Variants in GRM1 observed in about 807,000 individuals in gnomAD.
The protein encoded by GRM1 is metabotropic glutamate receptor 1.
In GRM1, 33 loss-of-function variants were observed where a neutral mutation model predicts 90.9. The ratio of observed to expected loss-of-function variants is 0.36; its 90% CI spans 0.28 to 0.49. The LOEUF is 0.49. GRM1 is among the 20% of genes least tolerant of loss of function. GRM1 has a pLI of 0.99. For missense variants in GRM1, 1,190 were observed against 1,534.3 expected, an observed-to-expected ratio of 0.78 and a Z score of 3.75; for synonymous variants, 700 against 613.2, an observed-to-expected ratio of 1.14 and a Z score of -2.09.
chr6:146,369,865 A>T (rs1395932583), intron 5 of GRM1, among the ~76,000 whole-genome samples: 1 of 151,804 alleles, frequency 6.6e-6, no homozygotes, highest in Non-Finnish European at 1.5e-5. Flanking sequence ...ATTTAACTCC[A>T]ATGTTTCTTT....
chr6:146,170,569 G>A (rs1045816818), intron 2 of GRM1, among the ~76,000 whole-genome samples: 5 of 151,986 alleles, frequency 3.3e-5, no homozygotes, highest in African/African-American at 1.2e-4. Flanking sequence ...CTAATAAACT[G>A]TTCATTTTCT....
intron 7 of GRM1, among the ~76,000 whole-genome samples, chr6:146,427,250 A>G (rs1778243854): frequency 6.6e-6 from 1 of 152,178 alleles, no homozygotes; most frequent in African/African-American, 2.4e-5. Context: ...GATTTTTATC[A>G]GATTTCCTCG....
intron 1 of GRM1, among the ~76,000 whole-genome samples, chr6:146,153,759 C>A (rs1449005380): frequency 6.6e-6 from 1 of 152,150 alleles, no homozygotes; most frequent in African/African-American, 2.4e-5. Flanking sequence ...AACAAACCTG[C>A]ATATCCTGCA....
intron 3 of GRM1, among the ~76,000 whole-genome samples, chr6:146,320,331 A>G (rs775288222): frequency 2.6e-5 from 4 of 152,144 alleles, no homozygotes; most frequent in Non-Finnish European, 4.4e-5. Context: ...ATCATTCTGG[A>G]TAAGCTTTTT....
intron 3 of GRM1, among the ~76,000 whole-genome samples, chr6:146,308,754 CTG>C (rs1383447906): frequency 6.6e-6 from 1 of 152,148 alleles, no homozygotes; most frequent in South Asian, 2.1e-4. Context: ...TCATTAGTCA[CTG>C]TTAAAATTTT....
intron 3 of GRM1, among the ~76,000 whole-genome samples, chr6:146,334,310 G>A (rs1469539926): frequency 1.3e-5 from 2 of 152,186 alleles, no homozygotes; most frequent in African/African-American, 2.4e-5. Flanking sequence ...TCCTCTTCCA[G>A]TCTCTCTCAT....
chr6:146,079,689 T>A (rs79932053), intron 1 of GRM1, among the ~76,000 whole-genome samples: 1 of 152,186 alleles, frequency 6.6e-6, no homozygotes, highest in Non-Finnish European at 1.5e-5. Context: ...AAATGTCTTT[T>A]TCTTCCTAAG....
chr6:146,212,855 G>A (rs1466835410), intron 2 of GRM1, among the ~76,000 whole-genome samples: 1 of 151,970 alleles, frequency 6.6e-6, no homozygotes. Flanking sequence ...ACTTCCCTGT[G>A]TACTCATTTG....
Position 146,159,349 on chromosome 6 carries a change from G to A in GRM1, c.702G>A (p.Gly234=), listed in dbSNP as rs1255461814. The A allele has an allele frequency of 1.2e-6, 2 of 1,613,948 alleles. No homozygotes were observed. The highest frequency in any genetic ancestry group is 3.3e-5 in the Admixed American group (2 of 60,010). ...WTYVSAVHTE[G]NYGESGMDAF... ...CATCTGCTGATTGTTTCTGGACAGG[G>A]AATTATGGGGAGAGCGGAATGGACG... Residue 234 remains glycine, a splice_region_variant and synonymous_variant, in exon 2 of 8, where the codon GGG becomes GGA. Transcript: ENST00000282753.
chr6:146,267,642 G>T (rs944723468), intron 2 of GRM1, among the ~76,000 whole-genome samples: 1 of 86,314 alleles, frequency 1.2e-5, no homozygotes, highest in Non-Finnish European at 2.0e-5. Context: ...GCTGGGCTGC[G>T]CTGGGCTGGG....
chr6:146,086,082 G>T (rs976842817), intron 1 of GRM1, among the ~76,000 whole-genome samples: 3 of 152,028 alleles, frequency 2.0e-5, no homozygotes, highest in African/African-American at 7.2e-5. Context: ...ATTTGATAGT[G>T]GAATAGTATG....
chr6:146,136,487 T>G (rs772114035), intron 1 of GRM1, among the ~76,000 whole-genome samples: 1 of 152,212 alleles, frequency 6.6e-6, no homozygotes, highest in African/African-American at 2.4e-5. Flanking sequence ...TGGGGTGAGA[T>G]CTCTTTGTAG....
intron 2 of GRM1, among the ~76,000 whole-genome samples, chr6:146,195,636 C>G (rs1779089520): frequency 6.6e-6 from 1 of 152,200 alleles, no homozygotes; most frequent in African/African-American, 2.4e-5. Context: ...ACTAAATTCT[C>G]TAATACAAAT....
intron 7 of GRM1, among the ~76,000 whole-genome samples, chr6:146,417,841 C>T (rs776862652): frequency 1.1e-4 from 16 of 152,088 alleles, no homozygotes; most frequent in Non-Finnish European, 2.1e-4. Flanking sequence ...CTTTTCTCTT[C>T]CCCTCTGTAA....
chr6:146,094,261 G>T (rs1043838462), intron 1 of GRM1, among the ~76,000 whole-genome samples: 2 of 152,080 alleles, frequency 1.3e-5, no homozygotes, highest in African/African-American at 4.8e-5. Context: ...AAGTGTGAGT[G>T]CTTGGAATGG....
intron 2 of GRM1, among the ~76,000 whole-genome samples, chr6:146,267,696 G>GTCTC (rs1781961986): frequency 5.2e-4 from 58 of 111,882 alleles, no homozygotes; most frequent in African/African-American, 3.2e-3. Context: ...GGCTCGGCTC[G>GTCTC]GCTCGGCTCG....
At chr6:146,144,288 T>G (rs1447809688) in intron 1 of GRM1, among the ~76,000 whole-genome samples, 2 of 152,196 alleles carry the variant, frequency 1.3e-5, no homozygotes, top group African/African-American at 4.8e-5. Context: ...TGACATTATT[T>G]AACCTTAATT....
Position 146,349,073 on chromosome 6 carries a change from A to ATTATTATTATTG in GRM1, c.1187-3176_1187-3165dup, listed in dbSNP as rs1554299565. Reference sequence around the variant, plus strand: ...TATTATTATTATTATTATTATTATTATTATTATTATTGAGACGGAGTCTCG... The same window carrying ATTATTATTATTG: ...TATTATTATTATTATTATTATTATTATTATTATTATTGTTATTATTATTGAGACGGAGTCTCG... On this transcript the variant is annotated intron_variant, in intron 3 of 7. Coordinates refer to ENST00000282753, the MANE Select transcript of GRM1 (RefSeq NM_001278064.2). Among the ~76,000 whole-genome samples the ATTATTATTATTG allele has an allele frequency of 2.6e-3, 383 of 147,662 alleles. 11 individuals carry two copies. The East Asian group carries it at 0.041, about 16-fold the overall frequency.
At chr6:146,139,320 T>C (rs138878681) in intron 1 of GRM1, among the ~76,000 whole-genome samples, 65 of 152,320 alleles carry the variant, frequency 4.3e-4, no homozygotes, top group African/African-American at 1.0e-3. Flanking sequence ...TAAATATCTA[T>C]TATGTCTATT....
Sources: gnomAD v4.1 joint callset for allele counts (sites outside exome capture counted in the v4.1 genomes callset) on GRCh38, gnomAD v4.1.1 for gene constraint, MANE v1.5 for transcripts, NCBI Gene and HGNC (gene_info 2026-07-23, HGNC 2026-07-21) for gene names.